Variants in PRIMA1 observed in about 807,000 individuals in gnomAD.
PRIMA1 encodes the protein proline-rich membrane anchor 1.
PRIMA1 carries 7 observed loss-of-function variants against 17.5 expected under a neutral mutation model. The observed-to-expected ratio is 0.40, with a 90% CI of 0.23 to 0.75. The LOEUF is 0.75. PRIMA1 is among the 30% of genes least tolerant of loss of function. PRIMA1 has a pLI of 0.37. For missense variants in PRIMA1, 200 were observed against 201.8 expected, an observed-to-expected ratio of 0.99 and a Z score of 0.05; for synonymous variants, 97 against 77.9, an observed-to-expected ratio of 1.25 and a Z score of -1.29.
chr14:93,749,290 C>T (rs1050751433), intron 3 of PRIMA1, among the ~76,000 whole-genome samples: 2 of 152,156 alleles, frequency 1.3e-5, no homozygotes, highest in Admixed American at 1.3e-4. Context: ...GAACTGTGCC[C>T]ACCCACCCTC....
intron 2 of PRIMA1, among the ~76,000 whole-genome samples, chr14:93,784,181 C>T (rs903425005): frequency 6.6e-6 from 1 of 152,164 alleles, no homozygotes. Context: ...GGGAAAGATG[C>T]TAGAAAAACA....
At chr14:93,787,192 A>G (rs748256895) in intron 2 of PRIMA1, among the ~76,000 whole-genome samples, 1 of 152,264 alleles carries the variant, frequency 6.6e-6, no homozygotes, top group East Asian at 1.9e-4. Flanking sequence ...TACATCCTCA[A>G]CTCTGATACC....
Position 93,727,483 on chromosome 14 carries a change from GA to G in PRIMA1, c.360-5938del, listed in dbSNP as rs1165787831. The stretch of plus-strand genomic sequence containing the variant: ...TGTCCTTCAAGCCTCTGAGATGCCA[GA>G]ATGGTGCTGGGGGATGGAGATCCCT... On this transcript the variant is annotated intron_variant, in intron 4 of 4. Transcript: ENST00000393140. Among the ~76,000 whole-genome samples the G allele has an allele frequency of 4.6e-5, 7 of 152,230 alleles. No individual in the cohort carries two copies. In the East Asian group the frequency reaches 1.4e-3, roughly 29 times the overall value.
At position 93,721,419 on chromosome 14, in the gene PRIMA1, G is replaced by A; in HGVS notation, c.*25C>T. 6.6e-7 allele frequency: 1 copy of A among 1,513,196 alleles called. No homozygotes were observed. Among genetic ancestry groups the A allele is most frequent in the South Asian group, 1.1e-5 (1 of 88,640 alleles). The allele number at this position is 1,513,196 out of a possible 1,614,324, so 93.7% of individuals were successfully genotyped here. A position where few individuals can be genotyped will look rare whatever the true frequency, so the allele number is the denominator to read the frequency against. On this transcript the variant is annotated 3_prime_UTR_variant, in exon 5 of 5. Coordinates refer to ENST00000393140, the MANE Select transcript of PRIMA1 (RefSeq NM_178013.4). Reference sequence around the variant, plus strand: ...CCAGTGCCACCAAGGTGTCCCTCTGGCCAGCGGGTCCAGGGCCTGCAGACT... The same window carrying A: ...CCAGTGCCACCAAGGTGTCCCTCTGACCAGCGGGTCCAGGGCCTGCAGACT...
rs2076110967 is a variant in PRIMA1 at position 93,731,073 on chromosome 14, GT to G, written c.359+6167del. On this transcript the variant is annotated intron_variant, in intron 4 of 4. Transcript: ENST00000393140. ...TTTGACTGTGTTGAGAGGAGGCATT[GT>G]TAACCCCAGGAAAGGAAACAGCATA... is the stretch of plus-strand genomic sequence containing the variant. Among the ~76,000 whole-genome samples, 18 of 152,302 alleles carry G rather than the reference GT, an allele frequency of 1.2e-4. No homozygotes were observed. In the South Asian group the frequency reaches 3.7e-3, roughly 32 times the overall value.
chr14:93,767,423 G>A (rs989642502), intron 3 of PRIMA1, among the ~76,000 whole-genome samples: 1 of 152,174 alleles, frequency 6.6e-6, no homozygotes, highest in African/African-American at 2.4e-5. Context: ...GGAAAGGGAT[G>A]GGAAGTTAGA....
chr14:93,775,199 G>A (rs1348068255), intron 3 of PRIMA1, among the ~76,000 whole-genome samples: 1 of 152,250 alleles, frequency 6.6e-6, no homozygotes, highest in Non-Finnish European at 1.5e-5. Context: ...ATGGGACAAG[G>A]ACTGGCACAT....
At chr14:93,771,235 G>A (rs1462375742) in intron 3 of PRIMA1, among the ~76,000 whole-genome samples, 1 of 152,132 alleles carries the variant, frequency 6.6e-6, no homozygotes, top group Admixed American at 6.5e-5. Flanking sequence ...CTCCATCAGG[G>A]GTGGTGTCTA....
chr14:93,766,005 AAAG>A (rs1884884879), intron 3 of PRIMA1, among the ~76,000 whole-genome samples: 1 of 152,362 alleles, frequency 6.6e-6, no homozygotes, highest in South Asian at 2.1e-4. Flanking sequence ...GCTGCTAAGA[AAAG>A]AAGAAGCCAA....
At chr14:93,742,147 T>C (rs182113420) in intron 3 of PRIMA1, among the ~76,000 whole-genome samples, 1 of 152,246 alleles carries the variant, frequency 6.6e-6, no homozygotes, top group Admixed American at 6.5e-5. Context: ...CCAAAAACCA[T>C]ACCAAAGATT....
At chr14:93,766,607 C>T (rs10138602) in intron 3 of PRIMA1, among the ~76,000 whole-genome samples, 32,645 of 152,182 alleles carry the variant, frequency 0.21, 3,726 homozygotes, top group African/African-American at 0.24. Context: ...CTCTAGTCAT[C>T]ACTGCATCCT....
At chr14:93,774,520 T>G (rs960261882) in intron 3 of PRIMA1, among the ~76,000 whole-genome samples, 1 of 152,214 alleles carries the variant, frequency 6.6e-6, no homozygotes, top group Non-Finnish European at 1.5e-5. Flanking sequence ...CACCTGTGGA[T>G]CAATGTCACT....
chr14:93,778,551 T>G (rs1885286238), intron 3 of PRIMA1, among the ~76,000 whole-genome samples: 1 of 152,168 alleles, frequency 6.6e-6, no homozygotes, highest in Admixed American at 6.5e-5. Flanking sequence ...ATACAGAACC[T>G]CCTTTGGAGA....
At chr14:93,727,723 G>A (rs548709078) in intron 4 of PRIMA1, among the ~76,000 whole-genome samples, 3 of 151,820 alleles carry the variant, frequency 2.0e-5, no homozygotes, top group African/African-American at 7.3e-5. Flanking sequence ...GCAGACACAT[G>A]TGGGCATGCC....
chr14:93,759,061 A>T (rs975699443), intron 3 of PRIMA1, among the ~76,000 whole-genome samples: 1 of 152,240 alleles, frequency 6.6e-6, no homozygotes, highest in Admixed American at 6.5e-5. Flanking sequence ...ATCAAAACAG[A>T]CAGCTGTCGC....
In PRIMA1 at chr14:93,787,754, C is replaced by G. The variant is rs1338967621; in HGVS notation, c.-31-5G>C. 1.3e-6 allele frequency: 2 copies of G among 1,538,410 alleles called. No individual in the cohort carries two copies. The highest frequency in any genetic ancestry group is 2.0e-4 in the Middle Eastern group (1 of 4,914). On this transcript the variant is annotated splice_polypyrimidine_tract_variant and splice_region_variant and intron_variant, in intron 1 of 4. Transcript: ENST00000393140. ...GGCGCCCGCTCCTGGGGCGAACTGT[C>G]AGGAGAGCAAGGCTAGGGTCAGGCG...
intron 4 of PRIMA1, among the ~76,000 whole-genome samples, chr14:93,727,727 G>GCATGCC (rs2076087620): frequency 1.3e-5 from 2 of 152,196 alleles, no homozygotes; most frequent in South Asian, 4.1e-4. Flanking sequence ...ACACATGTGG[G>GCATGCC]CATGCCCTTG....
At chr14:93,770,279 C>T (rs560282812) in intron 3 of PRIMA1, among the ~76,000 whole-genome samples, 10 of 152,296 alleles carry the variant, frequency 6.6e-5, no homozygotes, top group Middle Eastern at 3.4e-3. Context: ...GTAAAGTGCA[C>T]GTGAGGGCAT....
At chr14:93,769,942 T>A (rs552783743) in intron 3 of PRIMA1, among the ~76,000 whole-genome samples, 1 of 152,224 alleles carries the variant, frequency 6.6e-6, no homozygotes, top group African/African-American at 2.4e-5. Flanking sequence ...ATCCCATTCA[T>A]GAGATCACAG....
Sources: gnomAD v4.1 joint callset for allele counts (sites outside exome capture counted in the v4.1 genomes callset) on GRCh38, gnomAD v4.1.1 for gene constraint, MANE v1.5 for transcripts, NCBI Gene and HGNC (gene_info 2026-07-23, HGNC 2026-07-21) for gene names.